The following NEDD4L variants were observed in gnomAD, a reference collection of about 807,000 sequenced individuals.
NEDD4L encodes the protein NEDD4 like E3 ubiquitin protein ligase, also known as E3 ubiquitin-protein ligase NEDD4-like.
A neutral mutation model predicts 148.9 loss-of-function variants in NEDD4L; 54 were observed. That is an observed-to-expected ratio of 0.36 (90% CI 0.29 to 0.45). The LOEUF (loss-of-function observed/expected upper bound fraction) is 0.45, where lower values mean the gene tolerates loss of function less well. NEDD4L is among the 20% of genes least tolerant of loss of function. The probability of loss-of-function intolerance (pLI) is 1.00; values close to 1 mark genes in which losing one functional copy is unlikely to be tolerated. For synonymous variants in NEDD4L, 433 were observed against 440.7 expected (o/e 0.98, Z 0.22); for missense variants, 856 against 1,233.8 (o/e 0.69, Z 4.59).
At chr18:58,280,465 A>C (rs190255825) in intron 5 of NEDD4L, among the ~76,000 whole-genome samples, 1 of 152,336 alleles carries the variant, frequency 6.6e-6, no homozygotes, top group East Asian at 1.9e-4. Flanking sequence ...AGGAAAGCCA[A>C]GGAGCAGACC....
In NEDD4L at chr18:58,256,022, G is replaced by C. The variant is rs1222568786; in HGVS notation, c.297+3968G>C. 1.6e-6 allele frequency: 2 copies of C among 1,230,012 alleles called. No individual in the cohort carries two copies. Among genetic ancestry groups the C allele is most frequent in the Admixed American group, 4.2e-5 (1 of 23,636 alleles). The allele number at this position is 1,230,012 out of a possible 1,614,324, so 76.2% of individuals were successfully genotyped here. A position where few individuals can be genotyped will look rare whatever the true frequency, so the allele number is the denominator to read the frequency against. ...CGCAACGCCCGACCCCAGGGACCAG[G>C]CCTCCGCCACTGCCACCACGAGGGC... On this transcript the variant is annotated intron_variant, in intron 5 of 30. Coordinates refer to ENST00000400345, the MANE Select transcript of NEDD4L (RefSeq NM_001144967.3). This position sits in a 1 kb window ranked among gnomAD's most constrained non-coding sequence, Gnocchi z 5.2.
At chr18:58,061,479 TG>T (rs1292748474) in intron 1 of NEDD4L, among the ~76,000 whole-genome samples, 8 of 18,956 alleles carry the variant, frequency 4.2e-4, no homozygotes, top group African/African-American at 2.4e-3. Context: ...GACTGTGGGT[TG>T]TTTTTTTTTT....
chr18:58,182,126 G>A (rs1459393138), intron 2 of NEDD4L, among the ~76,000 whole-genome samples: 5 of 152,150 alleles, frequency 3.3e-5, no homozygotes, highest in Non-Finnish European at 7.3e-5. Context: ...CCAGGGGCAG[G>A]GGAAAGAGTC....
At chr18:58,167,716 A>G (rs2037042894) in intron 2 of NEDD4L, among the ~76,000 whole-genome samples, 3 of 142,330 alleles carry the variant, frequency 2.1e-5, no homozygotes, top group Admixed American at 6.8e-5. Flanking sequence ...GCATCAAGGG[A>G]AAAAAAAACA....
chr18:58,202,932 A>G (rs1435474929), intron 2 of NEDD4L, among the ~76,000 whole-genome samples: 2 of 151,102 alleles, frequency 1.3e-5, no homozygotes, highest in African/African-American at 4.9e-5. Context: ...GTGCACATCT[A>G]CCTGTGTTAA....
At chr18:58,165,941 C>A in intron 2 of NEDD4L, 80 bp downstream of exon 2, 1 of 1,162,342 alleles carries the variant, frequency 8.6e-7, no homozygotes, top group South Asian at 1.3e-5. Flanking sequence ...GCATCAGAAT[C>A]ACCTGGAGGA....
rs72089117 is a variant in NEDD4L, at chr18:58,345,923, G to GTTT, written c.1575+2824_1575+2826dup. Among the ~76,000 whole-genome samples the GTTT allele has an allele frequency of 9.9e-3, 1,340 of 135,992 alleles. 30 individuals are homozygous for GTTT. The highest frequency in any genetic ancestry group is 0.067 in the South Asian group (286 of 4,286). 89.2% of individuals were successfully genotyped at this position (135,992 alleles called of 152,430 possible). On this transcript the variant is annotated intron_variant, in intron 16 of 30. Coordinates refer to ENST00000400345, the MANE Select transcript of NEDD4L (RefSeq NM_001144967.3). Reference sequence around the variant, plus strand: ...CACCAGCTAATTTTTGTTGTTTTTTGTTTTTTGTTTTTTTTAGCACAGACA... The same window carrying GTTT: ...CACCAGCTAATTTTTGTTGTTTTTTGTTTTTTTTTGTTTTTTTTAGCACAGACA...
chr18:58,332,514 G>A (rs2144763880), intron 11 of NEDD4L, among the ~76,000 whole-genome samples: 1 of 152,244 alleles, frequency 6.6e-6, no homozygotes, highest in African/African-American at 2.4e-5. Flanking sequence ...CGGGTGTGGT[G>A]GGGTGCACCT....
At chr18:58,158,803 C>T (rs2035832614) in intron 1 of NEDD4L, among the ~76,000 whole-genome samples, 1 of 152,102 alleles carries the variant, frequency 6.6e-6, no homozygotes, top group Admixed American at 6.5e-5. Context: ...GGGCTGCTTT[C>T]ATTTCCACCC....
At chr18:58,118,555 C>G (rs1185344829) in intron 1 of NEDD4L, among the ~76,000 whole-genome samples, 5 of 152,172 alleles carry the variant, frequency 3.3e-5, no homozygotes, top group Non-Finnish European at 7.3e-5. Context: ...CTCTAGGAAC[C>G]TGTATTCCTC....
At chr18:58,157,628 T>C (rs2035671495) in intron 1 of NEDD4L, among the ~76,000 whole-genome samples, 1 of 152,212 alleles carries the variant, frequency 6.6e-6, no homozygotes, top group Non-Finnish European at 1.5e-5. Context: ...TGGTTTCGCA[T>C]TTTGACTGTA....
At chr18:58,145,484 T>G (rs1243965517) in intron 1 of NEDD4L, among the ~76,000 whole-genome samples, 5 of 152,182 alleles carry the variant, frequency 3.3e-5, no homozygotes, top group African/African-American at 1.2e-4. Context: ...TTTTGTAAAA[T>G]ACACCAAATT....
intron 5 of NEDD4L, among the ~76,000 whole-genome samples, chr18:58,294,298 T>G (rs1409289537): frequency 1.3e-5 from 2 of 152,198 alleles, no homozygotes; most frequent in Non-Finnish European, 2.9e-5. Context: ...TCAAGGCTAT[T>G]GAATTTGGTT....
chr18:58,254,848 T>G (rs2048326483), intron 5 of NEDD4L, among the ~76,000 whole-genome samples: 1 of 152,220 alleles, frequency 6.6e-6, no homozygotes, highest in African/African-American at 2.4e-5. Flanking sequence ...CCCCTCCACT[T>G]AGCTATTTTG....
chr18:58,330,987 T>G, intron 11 of NEDD4L, 73 bp downstream of exon 11: 43 of 1,471,288 alleles, frequency 2.9e-5, no homozygotes, highest in Non-Finnish European at 3.8e-5. Context: ...GGAGAATCTC[T>G]TACGTAAATA....
In NEDD4L at chr18:58,323,222, A is replaced by G; in HGVS notation, c.411-10A>G. 2 of 1,537,514 alleles carry G rather than the reference A, an allele frequency of 1.3e-6. No homozygotes were observed. The highest frequency in any genetic ancestry group is 1.8e-6 in the Non-Finnish European group (2 of 1,116,830). On this transcript the variant is annotated splice_polypyrimidine_tract_variant and intron_variant, in intron 7 of 30. Transcript: ENST00000400345. ...CCCTTCTAACCAATTTTCTTCCATT[A>G]TGTGTGCAGTCATAAGTCTCGAGTT...
chr18:58,146,151 T>C (rs2034076107), intron 1 of NEDD4L, among the ~76,000 whole-genome samples: 1 of 152,190 alleles, frequency 6.6e-6, no homozygotes, highest in Non-Finnish European at 1.5e-5. Flanking sequence ...AGTGCTGGGT[T>C]CTGGTAGATG....
Position 58,330,700 on chromosome 18 carries a change from C to T in NEDD4L, c.814-38C>T, listed in dbSNP as rs200156489. The T allele has an allele frequency of 1.8e-5, 13 of 709,486 alleles. 1 individual carries two copies. The South Asian group carries it at 3.7e-4, about 20-fold the overall frequency. The allele number at this position is 709,486 out of a possible 1,614,324, so 43.9% of individuals were successfully genotyped here. On this transcript the variant is annotated intron_variant, in intron 10 of 30. Coordinates refer to ENST00000400345, the MANE Select transcript of NEDD4L (RefSeq NM_001144967.3). ...TGGGGAGCTGGGTGGATCCCTACTT[C>T]TTTCTAGTGTTTACCCCAGTGTCTC...
intron 24 of NEDD4L, among the ~76,000 whole-genome samples, chr18:58,375,986 A>G (rs1226132258): frequency 6.6e-6 from 1 of 152,196 alleles, no homozygotes; most frequent in African/African-American, 2.4e-5. Context: ...TGAAGGAAGG[A>G]GTGGAAGTAA....
Sources: gnomAD v4.1 joint callset for allele counts (sites outside exome capture counted in the v4.1 genomes callset) on GRCh38, gnomAD v4.1.1 for gene constraint, Gnocchi (gnomAD v3.1) non-coding constraint, MANE v1.5 for transcripts, NCBI Gene and HGNC (gene_info 2026-07-23, HGNC 2026-07-21) for gene names.